Variants in SNX10 observed in about 807,000 individuals in gnomAD.
SNX10 encodes sorting nexin 10, also known as sorting nexin-10.
SNX10 carries 25 observed loss-of-function variants against 28.5 expected under a neutral mutation model. The ratio of observed to expected loss-of-function variants is 0.88; its 90% confidence interval spans 0.64 to 1.22. The LOEUF (loss-of-function observed/expected upper bound fraction) is 1.22. Ranked by LOEUF, SNX10 falls within the 50% of genes most tolerant of loss-of-function variation. SNX10 has a pLI of 0.00. For synonymous variants in SNX10, 62 were observed against 81.4 expected, an observed-to-expected ratio of 0.76 and a Z score of 1.28; for missense variants, 223 against 242.6, an observed-to-expected ratio of 0.92 and a Z score of 0.54.
At chr7:26,297,017 G>A (rs1349553573) in intron 1 of SNX10, among the ~76,000 whole-genome samples, 1 of 152,182 alleles carries the variant, frequency 6.6e-6, no homozygotes, top group East Asian at 1.9e-4. Context: ...ATTCACAAAA[G>A]TAAATTCCAT....
At chr7:26,322,565 T>C (rs1787350980) in intron 1 of SNX10, among the ~76,000 whole-genome samples, 1 of 152,190 alleles carries the variant, frequency 6.6e-6, no homozygotes, top group Non-Finnish European at 1.5e-5. Flanking sequence ...CTGCCAGAGA[T>C]TTTTTTCTTT....
At chr7:26,368,760 G>A (rs941048764) in intron 5 of SNX10, among the ~76,000 whole-genome samples, 9 of 152,186 alleles carry the variant, frequency 5.9e-5, no homozygotes, top group African/African-American at 2.2e-4. Flanking sequence ...CATAGATCAT[G>A]AATGTCTTCA....
chr7:26,314,421 A>G (rs1786985456), intron 1 of SNX10, among the ~76,000 whole-genome samples: 1 of 151,954 alleles, frequency 6.6e-6, no homozygotes, highest in Non-Finnish European at 1.5e-5. Flanking sequence ...TGCCTGGCTA[A>G]TTTTTTGAAT....
At chr7:26,317,291 A>G (rs946532248) in intron 1 of SNX10, among the ~76,000 whole-genome samples, 1 of 152,168 alleles carries the variant, frequency 6.6e-6, no homozygotes, top group African/African-American at 2.4e-5. Flanking sequence ...TTGAAAAGTG[A>G]GTAGGGTTAA....
intron 1 of SNX10, among the ~76,000 whole-genome samples, chr7:26,295,438 C>T (rs969350017): frequency 1.3e-5 from 2 of 151,924 alleles, no homozygotes; most frequent in Non-Finnish European, 2.9e-5. Flanking sequence ...CTTACGTGGT[C>T]ACCCATGGTG....
In SNX10 at chr7:26,311,661, A is replaced by C. The variant is rs1176572210; in HGVS notation, c.-24+19575A>C. On this transcript the variant is annotated intron_variant, in intron 1 of 6. Transcript: ENST00000338523. ...ATTTACATCTCTTACTTTTCAATTAAATTTTGAAGGGTTATAGAGGCACAC... is the reference window on the plus strand; with the variant it reads ...ATTTACATCTCTTACTTTTCAATTACATTTTGAAGGGTTATAGAGGCACAC... Among the ~76,000 whole-genome samples the C allele has an allele frequency of 3.3e-5, 5 of 152,242 alleles. No individual in the cohort carries two copies. In the East Asian group the frequency reaches 7.7e-4, roughly 23 times the overall value.
intron 1 of SNX10, among the ~76,000 whole-genome samples, chr7:26,333,660 T>G (rs182511534): frequency 6.6e-6 from 1 of 152,286 alleles, no homozygotes; most frequent in Non-Finnish European, 1.5e-5. Context: ...GGTAGTACTT[T>G]GATGGGAAGT....
At chr7:26,320,949 G>T (rs1458810758) in intron 1 of SNX10, among the ~76,000 whole-genome samples, 1 of 152,184 alleles carries the variant, frequency 6.6e-6, no homozygotes. Flanking sequence ...GGGCATTTGG[G>T]TTATCTTAAC....
At chr7:26,322,886 A>C (rs2128000926) in intron 1 of SNX10, among the ~76,000 whole-genome samples, 1 of 152,178 alleles carries the variant, frequency 6.6e-6, no homozygotes, top group East Asian at 1.9e-4. Context: ...TGGAGCTCAC[A>C]ATACAGGAAA....
At chr7:26,325,596 T>C (rs1489430862) in intron 1 of SNX10, among the ~76,000 whole-genome samples, 2 of 150,630 alleles carry the variant, frequency 1.3e-5, no homozygotes, top group Admixed American at 1.3e-4. Context: ...GTGCTGGGAT[T>C]ATATGTGTGA....
At chr7:26,297,561 C>T (rs1307843843) in intron 1 of SNX10, among the ~76,000 whole-genome samples, 2 of 152,134 alleles carry the variant, frequency 1.3e-5, no homozygotes, top group African/African-American at 4.8e-5. Context: ...ATCTTCACAG[C>T]TCAGGCACCC....
At position 26,364,651 on chromosome 7, in the gene SNX10, T is replaced by C. The variant is rs1291650926; in HGVS notation, c.212+16T>C. ...CGTTGCTGGTGTAAGTGATTTAGAG[T>C]ATACTGTGGAGACTTTGTCATTATA... On this transcript the variant is annotated intron_variant, in intron 4 of 6. Transcript: ENST00000338523. The surrounding 1 kb of genome is among the most constrained non-coding windows in gnomAD (Gnocchi z 4.9). The C allele has an allele frequency of 1.3e-6, 2 of 1,562,372 alleles. No individual in the cohort carries two copies. Among genetic ancestry groups the C allele is most frequent in the African/African-American group, 2.7e-5 (2 of 73,658 alleles).
chr7:26,319,422 A>T (rs760159783), intron 1 of SNX10, among the ~76,000 whole-genome samples: 11 of 152,182 alleles, frequency 7.2e-5, no homozygotes, highest in Non-Finnish European at 1.5e-4. Flanking sequence ...GTTGCCTTAA[A>T]TCTATCTGGG....
At chr7:26,324,747 A>G in intron 1 of SNX10, among the ~76,000 whole-genome samples, 1 of 152,192 alleles carries the variant, frequency 6.6e-6, no homozygotes, top group Non-Finnish European at 1.5e-5. Context: ...TGATGACAAG[A>G]GAAAACCAAG....
chr7:26,313,787 A>G (rs1786944762), intron 1 of SNX10, among the ~76,000 whole-genome samples: 1 of 151,956 alleles, frequency 6.6e-6, no homozygotes, highest in South Asian at 2.1e-4. Flanking sequence ...GTGCTGAAGA[A>G]CCTGAATTTC....
intron 1 of SNX10, among the ~76,000 whole-genome samples, chr7:26,336,746 C>T (rs549923970): frequency 1.3e-5 from 2 of 152,230 alleles, no homozygotes; most frequent in South Asian, 4.2e-4. Context: ...TGAACAGCCC[C>T]GATCATTTAA....
At position 26,299,893 on chromosome 7, in the gene SNX10, C is replaced by T. The variant is rs137959904; in HGVS notation, c.-24+7807C>T. Among the ~76,000 whole-genome samples the T allele has an allele frequency of 2.6e-5, 4 of 152,188 alleles. No homozygotes were observed. The East Asian group carries it at 5.8e-4, about 22-fold the overall frequency. ...CCTGGGCAACATAGTGAGACCCTGT[C>T]TCTGTTTTCAAAAAAACTTTTAAAA... On this transcript the variant is annotated intron_variant, in intron 1 of 6. Coordinates refer to ENST00000338523, the MANE Select transcript of SNX10 (RefSeq NM_013322.3).
intron 1 of SNX10, among the ~76,000 whole-genome samples, chr7:26,335,766 C>T (rs1338369708): frequency 1.2e-5 from 1 of 81,270 alleles, no homozygotes; most frequent in African/African-American, 4.6e-5. Context: ...TTTTTTGAGA[C>T]GGAGTCTCGT....
chr7:26,361,189 GCTTTTAT>G (rs1789052207), intron 3 of SNX10, 128 bp downstream of exon 3: 2 of 925,570 alleles, frequency 2.2e-6, no homozygotes, highest in Admixed American at 7.2e-5. Flanking sequence ...TACAACTAAT[GCTTTTAT>G]CTTACATGAA....
Sources: gnomAD v4.1 joint callset for allele counts (sites outside exome capture counted in the v4.1 genomes callset) on GRCh38, gnomAD v4.1.1 for gene constraint, Gnocchi (gnomAD v3.1) non-coding constraint, MANE v1.5 for transcripts, NCBI Gene and HGNC (gene_info 2026-07-23, HGNC 2026-07-21) for gene names.